Variants in KAT7 observed in about 807,000 individuals in gnomAD.
The protein encoded by KAT7 is lysine acetyltransferase 7, also known as histone acetyltransferase KAT7.
A neutral mutation model predicts 82.1 loss-of-function variants in KAT7; 10 were observed. The observed-to-expected ratio is 0.12, with a 90% CI of 0.08 to 0.21. KAT7 has a LOEUF of 0.21. KAT7 is among the 10% of genes least tolerant of loss of function. The pLI, the probability that KAT7 is intolerant of heterozygous loss-of-function variation, is 1.00. For missense variants in KAT7, 378 were observed against 760.9 expected (o/e 0.50, Z 5.92); for synonymous variants, 250 against 262.5 (o/e 0.95, Z 0.46).
Position 49,834,565 on chromosome 17 carries a change from C to CA in KAT7, c.*7065dup. ...TTTCAAGTCTTTCCGTAAGCTGACTCAACCTACATAGCTTTCATCATTCCC... is the reference window on the plus strand; with the variant it reads ...TTTCAAGTCTTTCCGTAAGCTGACTCAAACCTACATAGCTTTCATCATTCCC... On this transcript the variant is annotated 3_prime_UTR_variant, in exon 15 of 15. Transcript: ENST00000259021. 1 of 152,390 alleles carries CA rather than the reference C, an allele frequency of 6.6e-6. No individual in the cohort carries two copies. The highest frequency in any genetic ancestry group is 2.1e-4 in the South Asian group (1 of 4,826). The allele number at this position is 152,390 out of a possible 1,614,324, so 9.4% of individuals were successfully genotyped here.
chr17:49,791,213 G>A (rs2073883810), intron 1 of KAT7, among the ~76,000 whole-genome samples: 1 of 152,184 alleles, frequency 6.6e-6, no homozygotes, highest in Non-Finnish European at 1.5e-5. Flanking sequence ...TTTAAAAAAT[G>A]TGATAGCTTT....
rs1055768874 is a variant in KAT7 at position 49,832,513 on chromosome 17, A to G, written c.*5011A>G. Reference sequence around the variant, plus strand: ...TGTAAATATGCACACATTTGTCTATAGTTGAGGAAATTGTGCCGTTGAAGT... The same window carrying G: ...TGTAAATATGCACACATTTGTCTATGGTTGAGGAAATTGTGCCGTTGAAGT... On this transcript the variant is annotated 3_prime_UTR_variant, in exon 15 of 15. Transcript: ENST00000259021. 1.2e-4 allele frequency: 18 copies of G among 152,210 alleles called. No homozygotes were observed. Among genetic ancestry groups the G allele is most frequent in the Admixed American group, 6.5e-4 (10 of 15,282 alleles). 9.4% of individuals were successfully genotyped at this position (152,210 alleles called of 1,614,324 possible). A position where few individuals can be genotyped will look rare whatever the true frequency, so the allele number is the denominator to read the frequency against.
intron 9 of KAT7, among the ~76,000 whole-genome samples, chr17:49,821,090 AG>A (rs1170572743): frequency 6.6e-6 from 1 of 152,218 alleles, no homozygotes; most frequent in Admixed American, 6.5e-5. Flanking sequence ...CCTGGGCTAA[AG>A]TAGTGCCAGA....
At chr17:49,821,513 G>A in intron 10 of KAT7, 87 bp downstream of exon 10, 1 of 1,477,736 alleles carries the variant, frequency 6.8e-7, no homozygotes, top group Non-Finnish European at 9.4e-7. Context: ...ATCACACCTT[G>A]TGAAGGACAT....
intron 7 of KAT7, among the ~76,000 whole-genome samples, chr17:49,813,633 T>G (rs2143937828): frequency 6.6e-6 from 1 of 152,342 alleles, no homozygotes; most frequent in South Asian, 2.1e-4. Context: ...TACAGACTTT[T>G]TCTTGTCATT....
At chr17:49,820,967 C>G (rs1476644259) in intron 9 of KAT7, among the ~76,000 whole-genome samples, 1 of 151,940 alleles carries the variant, frequency 6.6e-6, no homozygotes, top group Non-Finnish European at 1.5e-5. Flanking sequence ...ACTTAGCCAC[C>G]CTAAGCTGCT....
At chr17:49,803,676 G>A (rs1196753873) in intron 4 of KAT7, among the ~76,000 whole-genome samples, 2 of 152,040 alleles carry the variant, frequency 1.3e-5, no homozygotes, top group South Asian at 2.1e-4. Context: ...CGCCTGCCTC[G>A]CCCTCCCAAA....
intron 12 of KAT7, among the ~76,000 whole-genome samples, chr17:49,825,092 C>T (rs1055005750): frequency 6.6e-6 from 1 of 152,036 alleles, no homozygotes; most frequent in Non-Finnish European, 1.5e-5. Flanking sequence ...ACTTTCCACT[C>T]CCATCATTTT....
Position 49,815,785 on chromosome 17 carries a change from C to G in KAT7, c.853-18C>G. 2 of 1,449,624 alleles carry G rather than the reference C, an allele frequency of 1.4e-6. No homozygotes were observed. The highest frequency in any genetic ancestry group is 1.9e-6 in the Non-Finnish European group (2 of 1,031,778). 89.8% of individuals were successfully genotyped at this position (1,449,624 alleles called of 1,614,324 possible). A position where few individuals can be genotyped will look rare whatever the true frequency, so the allele number is the denominator to read the frequency against. On this transcript the variant is annotated intron_variant, in intron 7 of 14. Transcript: ENST00000259021. ...AAGCAGAGAGTATCAGAGTATCACGCTCTGGTTATTTTCCTAGGAACACAG... is the reference window on the plus strand; with the variant it reads ...AAGCAGAGAGTATCAGAGTATCACGGTCTGGTTATTTTCCTAGGAACACAG...
In KAT7 at chr17:49,834,130, G is replaced by A. The variant is rs889776163; in HGVS notation, c.*6628G>A. On this transcript the variant is annotated 3_prime_UTR_variant, in exon 15 of 15. Transcript: ENST00000259021. ...CAGGAAAACTGAAGAATATCCTTCTGTATGTATGTATGTATTTATTGATTG... is the reference window on the plus strand; with the variant it reads ...CAGGAAAACTGAAGAATATCCTTCTATATGTATGTATGTATTTATTGATTG... 1.3e-5 allele frequency: 2 copies of A among 152,224 alleles called. No individual in the cohort carries two copies. The highest frequency in any genetic ancestry group is 2.9e-5 in the Non-Finnish European group (2 of 68,036). The allele number at this position is 152,224 out of a possible 1,614,324, so 9.4% of individuals were successfully genotyped here. A position where few individuals can be genotyped will look rare whatever the true frequency, so the allele number is the denominator to read the frequency against.
intron 7 of KAT7, among the ~76,000 whole-genome samples, chr17:49,813,502 A>G (rs1598076180): frequency 6.6e-6 from 1 of 152,204 alleles, no homozygotes; most frequent in Non-Finnish European, 1.5e-5. Flanking sequence ...CTTCACTAAG[A>G]CAAAAATATG....
intron 8 of KAT7, among the ~76,000 whole-genome samples, chr17:49,817,357 T>A (rs1228543417): frequency 6.6e-6 from 1 of 152,226 alleles, no homozygotes; most frequent in Admixed American, 6.5e-5. Context: ...TCTGTACACC[T>A]GTGTGATTTT....
chr17:49,792,118 T>C (rs901232133), intron 2 of KAT7, 85 bp downstream of exon 2: 10 of 1,350,970 alleles, frequency 7.4e-6, no homozygotes, highest in Non-Finnish European at 1.0e-5. Flanking sequence ...ATGTGGAAAC[T>C]GGCCCCTTGG....
intron 5 of KAT7, among the ~76,000 whole-genome samples, chr17:49,807,997 G>A (rs2074112807): frequency 1.3e-5 from 2 of 152,122 alleles, no homozygotes; most frequent in South Asian, 4.1e-4. Flanking sequence ...AGTGGAATAA[G>A]CAGTTGGATA....
At chr17:49,826,554 ACTC>A (rs1473747252) in intron 13 of KAT7, 136 bp from the exon 14 acceptor site, 15 of 646,408 alleles carry the variant, frequency 2.3e-5, no homozygotes, top group African/African-American at 5.4e-5. Flanking sequence ...TACTTTGTAA[ACTC>A]CTTCTAAACA....
At chr17:49,801,862 A>G (rs1191085336) in intron 4 of KAT7, among the ~76,000 whole-genome samples, 1 of 152,028 alleles carries the variant, frequency 6.6e-6, no homozygotes, top group African/African-American at 2.4e-5. Context: ...CTCTATAGGA[A>G]AGTTTGAAGT....
intron 6 of KAT7, among the ~76,000 whole-genome samples, chr17:49,809,775 T>C (rs1367829312): frequency 6.6e-6 from 1 of 152,220 alleles, no homozygotes; most frequent in Admixed American, 6.5e-5. Flanking sequence ...TGGAACGCTA[T>C]ACCTGTACCA....
intron 4 of KAT7, among the ~76,000 whole-genome samples, chr17:49,800,368 C>T (rs2074009743): frequency 6.6e-6 from 1 of 152,114 alleles, no homozygotes; most frequent in Non-Finnish European, 1.5e-5. Context: ...ATAAATACAG[C>T]AAAGTTGTCT....
intron 7 of KAT7, among the ~76,000 whole-genome samples, chr17:49,813,377 T>G (rs1365044512): frequency 6.6e-6 from 1 of 152,200 alleles, no homozygotes; most frequent in East Asian, 1.9e-4. Context: ...ATGGCTGCTC[T>G]TTTAGATTTT....
Sources: allele counts gnomAD v4.1 joint callset (sites outside exome capture counted in the v4.1 genomes callset), GRCh38; gene constraint gnomAD v4.1.1; transcripts MANE v1.5; gene names NCBI Gene and HGNC (gene_info 2026-07-23, HGNC 2026-07-21).